Variants in SUCLG2 observed in about 807,000 individuals in gnomAD.
The protein encoded by SUCLG2 is succinate--CoA ligase [GDP-forming] subunit beta, mitochondrial.
Under a neutral mutation model 47.9 loss-of-function variants are expected in SUCLG2, and 42 were observed. The ratio of observed to expected loss-of-function variants is 0.88; its 90% CI spans 0.69 to 1.14. The LOEUF (loss-of-function observed/expected upper bound fraction) is 1.14, where lower values mean the gene tolerates loss of function less well. Ranked by LOEUF, SUCLG2 falls within the 50% of genes most tolerant of loss-of-function variation. The pLI is 0.00. For missense variants in SUCLG2, 571 were observed against 525.9 expected, an observed-to-expected ratio of 1.09 and a Z score of -0.84; for synonymous variants, 195 against 197.3, an observed-to-expected ratio of 0.99 and a Z score of 0.10.
At chr3:67,370,981 A>T (rs1161634153), downstream of SUCLG2, among the ~76,000 whole-genome samples, 1 of 152,214 alleles carries the variant, frequency 6.6e-6, no homozygotes, top group East Asian at 1.9e-4. Flanking sequence ...AGTTATAAGG[A>T]TTTAAAGCAC....
chr3:67,591,528 T>C (rs1708164662), intron 2 of SUCLG2, among the ~76,000 whole-genome samples: 1 of 152,332 alleles, frequency 6.6e-6, no homozygotes, highest in Admixed American at 6.5e-5. Flanking sequence ...ATTCTCATTA[T>C]AGTGAATAAG....
intron 1 of SUCLG2, among the ~76,000 whole-genome samples, chr3:67,622,331 G>A (rs895812409): frequency 6.6e-6 from 1 of 152,172 alleles, no homozygotes; most frequent in South Asian, 2.1e-4. Context: ...ATCTTAGGAA[G>A]ATACATACAT....
At chr3:67,490,195 T>C (rs1197944648) in intron 9 of SUCLG2, among the ~76,000 whole-genome samples, 1 of 152,204 alleles carries the variant, frequency 6.6e-6, no homozygotes, top group Non-Finnish European at 1.5e-5. Context: ...TGTGCCTCAG[T>C]TATACGCATG....
intron 9 of SUCLG2, among the ~76,000 whole-genome samples, chr3:67,458,553 C>T (rs1403690003): frequency 3.3e-5 from 5 of 152,160 alleles, no homozygotes; most frequent in South Asian, 2.1e-4. Flanking sequence ...ACTCACTGAA[C>T]GTCTAAGATT....
intron 4 of SUCLG2, 63 bp from the exon 5 acceptor site, chr3:67,520,697 A>G (rs1706077059): frequency 6.5e-7 from 1 of 1,532,694 alleles, no homozygotes; most frequent in South Asian, 1.3e-5. Context: ...TTGGAAATCT[A>G]TACAAACTTG....
At chr3:67,415,193 G>C (rs978043930) in intron 9 of SUCLG2, among the ~76,000 whole-genome samples, 9 of 152,020 alleles carry the variant, frequency 5.9e-5, no homozygotes, top group African/African-American at 1.9e-4. Flanking sequence ...TGAAATATTC[G>C]AATGGAAAAC....
At chr3:67,455,682 G>A (rs1252528841) in intron 9 of SUCLG2, among the ~76,000 whole-genome samples, 1 of 151,786 alleles carries the variant, frequency 6.6e-6, no homozygotes, top group Non-Finnish European at 1.5e-5. Context: ...GGTACTGGGT[G>A]GAGGAAAAAA....
At chr3:67,491,622 T>C (rs1420924273) in intron 9 of SUCLG2, among the ~76,000 whole-genome samples, 1 of 152,180 alleles carries the variant, frequency 6.6e-6, no homozygotes, top group African/African-American at 2.4e-5. Flanking sequence ...CCTCCCAAAG[T>C]GCTGAGATTA....
chr3:67,596,164 T>C (rs1447515014), intron 2 of SUCLG2, among the ~76,000 whole-genome samples: 2 of 152,218 alleles, frequency 1.3e-5, no homozygotes, highest in Non-Finnish European at 2.9e-5. Context: ...TTTAAAGTAG[T>C]ATCCCTTGAC....
At chr3:67,499,404 G>T (rs1705437219) in intron 7 of SUCLG2, among the ~76,000 whole-genome samples, 1 of 152,134 alleles carries the variant, frequency 6.6e-6, no homozygotes, top group African/African-American at 2.4e-5. Context: ...TGGTGCTTCA[G>T]ATTCAAGTTA....
chr3:67,564,296 A>G (rs571240481), intron 2 of SUCLG2, among the ~76,000 whole-genome samples: 1 of 152,328 alleles, frequency 6.6e-6, no homozygotes, highest in East Asian at 1.9e-4. Flanking sequence ...GCTGATCTAC[A>G]GGGCTCACTA....
chr3:67,385,179 G>A (rs1702235251), intron 10 of SUCLG2, among the ~76,000 whole-genome samples: 1 of 152,186 alleles, frequency 6.6e-6, no homozygotes, highest in South Asian at 2.1e-4. Flanking sequence ...GTGGTGTTCT[G>A]ACACTATAAG....
At chr3:67,468,695 T>A (rs1183352534) in intron 9 of SUCLG2, among the ~76,000 whole-genome samples, 1 of 152,068 alleles carries the variant, frequency 6.6e-6, no homozygotes, top group East Asian at 1.9e-4. Flanking sequence ...TCGGGCTCCA[T>A]CCACCAATGA....
intron 4 of SUCLG2, among the ~76,000 whole-genome samples, chr3:67,526,628 C>A (rs1056450777): frequency 1.3e-5 from 2 of 152,094 alleles, no homozygotes; most frequent in Admixed American, 6.6e-5. Flanking sequence ...TAGGGAAATG[C>A]AAATTAAAAT....
intron 4 of SUCLG2, among the ~76,000 whole-genome samples, chr3:67,527,695 C>T (rs17046528): frequency 0.079 from 12,041 of 152,216 alleles, 584 homozygotes; most frequent in East Asian, 0.22. Context: ...CTCAAAATTA[C>T]AGTCATCCTA....
At chr3:67,382,767 T>C (rs530834563) in intron 10 of SUCLG2, among the ~76,000 whole-genome samples, 1 of 152,318 alleles carries the variant, frequency 6.6e-6, no homozygotes, top group South Asian at 2.1e-4. Flanking sequence ...ACAGACAGCA[T>C]GGCCTCGAAA....
chr3:67,505,941 G>A (rs141722985), intron 7 of SUCLG2, among the ~76,000 whole-genome samples: 3,152 of 152,002 alleles, frequency 0.021, 97 homozygotes, highest in African/African-American at 0.072. Flanking sequence ...CAGCCTTGGC[G>A]ACAGAGTGAG....
chr3:67,533,627 A>G (rs1343326865), intron 2 of SUCLG2, among the ~76,000 whole-genome samples: 1 of 152,214 alleles, frequency 6.6e-6, no homozygotes, highest in Non-Finnish European at 1.5e-5. Context: ...AATAAAGAAT[A>G]TACAATTATA....
At chr3:67,465,340 C>T (rs938071696) in intron 9 of SUCLG2, among the ~76,000 whole-genome samples, 3 of 152,188 alleles carry the variant, frequency 2.0e-5, no homozygotes, top group Non-Finnish European at 4.4e-5. Context: ...CAGTCCTTCT[C>T]GCTCACTCTG....
Sources: gnomAD v4.1 joint callset for allele counts (sites outside exome capture counted in the v4.1 genomes callset) on GRCh38, gnomAD v4.1.1 for gene constraint, MANE v1.5 for transcripts, NCBI Gene and HGNC (gene_info 2026-07-23, HGNC 2026-07-21) for gene names.